LRRC7: variants seen among roughly 807,000 people sequenced by gnomAD.
LRRC7 encodes the protein leucine-rich repeat-containing protein 7.
A neutral mutation model predicts 175.7 loss-of-function variants in LRRC7; 23 were observed. That is an observed-to-expected ratio of 0.13 (90% confidence interval 0.09 to 0.19). The LOEUF (loss-of-function observed/expected upper bound fraction) is 0.19, where lower values mean the gene tolerates loss of function less well. LRRC7 is among the 10% of genes least tolerant of loss of function. The pLI, the probability that LRRC7 is intolerant of heterozygous loss-of-function variation, is 1.00. For missense variants in LRRC7, 1,354 were observed against 1,904.7 expected (o/e 0.71, Z 5.38); for synonymous variants, 685 against 680.9 (o/e 1.01, Z -0.09).
In LRRC7 at chr1:69,670,083, C is replaced by G. The variant is rs1056844429; in HGVS notation, c.3-8298C>G. 5.9e-5 allele frequency among the ~76,000 whole-genome samples: 9 copies of G among 152,156 alleles called. No individual in the cohort carries two copies. The South Asian group carries it at 1.9e-3, about 32-fold the overall frequency. On this transcript the variant is annotated intron_variant, in intron 1 of 26. Transcript: ENST00000651989. ...GTGTCTCCAAAGTTGGTCTCTAGTGCCTTTTTTAGTTCATTTCATGAGGTC... is the reference window on the plus strand; with the variant it reads ...GTGTCTCCAAAGTTGGTCTCTAGTGGCTTTTTTAGTTCATTTCATGAGGTC...
chr1:69,952,837 C>T (rs1371460867), intron 8 of LRRC7, among the ~76,000 whole-genome samples: 1 of 151,568 alleles, frequency 6.6e-6, no homozygotes, highest in African/African-American at 2.4e-5. Context: ...GCTGTGGGAG[C>T]CCTCCTTTGG....
At chr1:69,745,176 T>C (rs1669122431) in intron 2 of LRRC7, among the ~76,000 whole-genome samples, 1 of 151,968 alleles carries the variant, frequency 6.6e-6, no homozygotes, top group South Asian at 2.1e-4. Context: ...TTAAAGGCAG[T>C]GAATGGTGAA....
intron 4 of LRRC7, among the ~76,000 whole-genome samples, chr1:69,815,606 A>T (rs989300914): frequency 6.6e-6 from 1 of 152,212 alleles, no homozygotes; most frequent in African/African-American, 2.4e-5. Flanking sequence ...TTTCAATGAC[A>T]GCCATTCACT....
chr1:70,020,961 A>C (rs1171498823), intron 15 of LRRC7, 44 bp from the exon 16 acceptor site: 5 of 1,547,646 alleles, frequency 3.2e-6, no homozygotes, highest in Non-Finnish European at 4.4e-6. Flanking sequence ...TTTGTGTAAA[A>C]TTGTTTTTTA....
intron 7 of LRRC7, among the ~76,000 whole-genome samples, chr1:69,881,228 A>G (rs1007787383): frequency 1.3e-5 from 2 of 152,226 alleles, no homozygotes; most frequent in African/African-American, 4.8e-5. Context: ...TAGAGGGGAT[A>G]TGGCAATCAG....
intron 1 of LRRC7, among the ~76,000 whole-genome samples, chr1:69,640,638 C>T (rs1270651116): frequency 7.2e-6 from 1 of 139,854 alleles, no homozygotes; most frequent in Admixed American, 7.3e-5. Context: ...TCTCTTTTGT[C>T]ATTTTTTTTT....
Position 69,571,607 on chromosome 1 carries a change from G to A in LRRC7, c.2+2966G>A, listed in dbSNP as rs143780423. On this transcript the variant is annotated intron_variant, in intron 1 of 26. Transcript: ENST00000651989. ...ATATTTGATACAAAAACTTGGTCTTGTTAATCACAACTTTAAAACATTCAC... is the reference window on the plus strand; with the variant it reads ...ATATTTGATACAAAAACTTGGTCTTATTAATCACAACTTTAAAACATTCAC... Among the ~76,000 whole-genome samples, 689 of 152,156 alleles carry A rather than the reference G, an allele frequency of 4.5e-3. 6 individuals are homozygous for A. The highest frequency in any genetic ancestry group is 0.012 in the African/African-American group (499 of 41,536).
At chr1:69,903,050 T>C (rs1646183699) in intron 7 of LRRC7, among the ~76,000 whole-genome samples, 1 of 152,230 alleles carries the variant, frequency 6.6e-6, no homozygotes, top group African/African-American at 2.4e-5. Context: ...CAATTGATAA[T>C]AGTCATTTTT....
At chr1:69,645,608 G>A (rs990333128) in intron 1 of LRRC7, among the ~76,000 whole-genome samples, 3 of 152,020 alleles carry the variant, frequency 2.0e-5, no homozygotes, top group East Asian at 3.9e-4. Flanking sequence ...GGATCACTCA[G>A]TCTTTGTTTG....
At chr1:69,649,049 T>C (rs723995) in intron 1 of LRRC7, among the ~76,000 whole-genome samples, 55,180 of 152,074 alleles carry the variant, frequency 0.36, 10,335 homozygotes, top group East Asian at 0.56. Context: ...AACATTACGA[T>C]GCAGTTTTTC....
chr1:69,911,031 G>A (rs182862448), intron 7 of LRRC7, among the ~76,000 whole-genome samples: 61 of 152,294 alleles, frequency 4.0e-4, no homozygotes, highest in East Asian at 1.2e-3. Flanking sequence ...CTGGTGTGCC[G>A]TTTTTTAAGC....
At chr1:69,579,560 A>G (rs1646106688) in intron 1 of LRRC7, among the ~76,000 whole-genome samples, 2 of 152,156 alleles carry the variant, frequency 1.3e-5, no homozygotes, top group South Asian at 2.1e-4. Context: ...TTTTATCCCA[A>G]GCAGACTAGC....
chr1:70,111,434 A>G (rs188910795), intron 26 of LRRC7, among the ~76,000 whole-genome samples: 174 of 152,302 alleles, frequency 1.1e-3, no homozygotes, highest in Non-Finnish European at 2.1e-3. Flanking sequence ...TCATAGACTC[A>G]CCTTCTGTTA....
intron 7 of LRRC7, among the ~76,000 whole-genome samples, chr1:69,923,095 A>G (rs1310920175): frequency 1.3e-5 from 2 of 151,804 alleles, no homozygotes; most frequent in Admixed American, 6.6e-5. Flanking sequence ...GCGATAGTTT[A>G]TTGAGAATGA....
At chr1:70,072,103 G>T (rs1380523333) in intron 23 of LRRC7, among the ~76,000 whole-genome samples, 2 of 152,104 alleles carry the variant, frequency 1.3e-5, no homozygotes, top group Non-Finnish European at 2.9e-5. Context: ...TTTTTAGGGG[G>T]TCAACTTCAA....
chr1:69,669,112 C>T (rs949363082), intron 1 of LRRC7, among the ~76,000 whole-genome samples: 9 of 151,904 alleles, frequency 5.9e-5, no homozygotes, highest in Non-Finnish European at 7.4e-5. Context: ...GTTTATACAC[C>T]GCAGTTACAG....
At chr1:70,120,741 C>T (rs992382811) in intron 26 of LRRC7, among the ~76,000 whole-genome samples, 2 of 152,082 alleles carry the variant, frequency 1.3e-5, no homozygotes, top group African/African-American at 4.8e-5. Context: ...TCTGTTACCT[C>T]TATTCAGCCA....
chr1:69,865,640 C>G (rs1684866111), intron 7 of LRRC7, among the ~76,000 whole-genome samples: 1 of 151,572 alleles, frequency 6.6e-6, no homozygotes, highest in South Asian at 2.1e-4. Flanking sequence ...GCCACCATGC[C>G]CAACTAATTT....
chr1:69,888,318 T>C (rs1358333717), intron 7 of LRRC7, among the ~76,000 whole-genome samples: 1 of 152,154 alleles, frequency 6.6e-6, no homozygotes. Flanking sequence ...TATAATCTCA[T>C]GGTGCGCCGT....
Sources: gnomAD v4.1 joint callset for allele counts (sites outside exome capture counted in the v4.1 genomes callset) on GRCh38, gnomAD v4.1.1 for gene constraint, MANE v1.5 for transcripts, NCBI Gene and HGNC (gene_info 2026-07-23, HGNC 2026-07-21) for gene names.